The following SRGAP3 variants were observed in gnomAD, a reference collection of about 807,000 sequenced individuals.
The protein encoded by SRGAP3 is SLIT-ROBO Rho GTPase-activating protein 3.
Under a neutral mutation model 121.1 loss-of-function variants are expected in SRGAP3, and 39 were observed. The ratio of observed to expected loss-of-function variants is 0.32; its 90% CI spans 0.25 to 0.42. The LOEUF (loss-of-function observed/expected upper bound fraction) is 0.42. SRGAP3 is among the 10% of genes least tolerant of loss of function. SRGAP3 has a pLI of 1.00. For missense variants in SRGAP3, 1,213 were observed against 1,470.6 expected, an observed-to-expected ratio of 0.82 and a Z score of 2.86; for synonymous variants, 601 against 570.0, an observed-to-expected ratio of 1.05 and a Z score of -0.77.
intron 1 of SRGAP3, among the ~76,000 whole-genome samples, chr3:9,210,046 CAAA>C (rs60653062): frequency 1.9e-4 from 28 of 147,266 alleles, no homozygotes; most frequent in Non-Finnish European, 2.6e-4. Context: ...GCTAGACACA[CAAA>C]AAAAAAAAAC....
Position 9,009,275 on chromosome 3 carries a change from C to T in SRGAP3, c.2227+1033G>A, listed in dbSNP as rs552033918. The stretch of plus-strand genomic sequence containing the variant: ...CTCTCCTGACAAATGTGGTGGCCAA[C>T]GTGTCCTGGTCCCACAAAAGAAACA... On this transcript the variant is annotated intron_variant, in intron 18 of 21. Coordinates refer to ENST00000383836, the MANE Select transcript of SRGAP3 (RefSeq NM_014850.4). 4.6e-5 allele frequency among the ~76,000 whole-genome samples: 7 copies of T among 152,260 alleles called. No homozygotes were observed. The South Asian group carries it at 6.2e-4, about 14-fold the overall frequency.
chr3:9,338,366 G>A (rs1307618550), intron 1 of SRGAP3, among the ~76,000 whole-genome samples: 1 of 152,170 alleles, frequency 6.6e-6, no homozygotes, highest in African/African-American at 2.4e-5. Flanking sequence ...AATGTGATGT[G>A]TTCAGTTATT....
chr3:9,193,238 C>T (rs1951814458), intron 1 of SRGAP3: 1 of 152,234 alleles, frequency 6.6e-6, no homozygotes, highest in South Asian at 2.1e-4. Flanking sequence ...TTCTGACCCC[C>T]AAGCCCAGCC....
intron 1 of SRGAP3, chr3:9,219,368 G>A (rs1429943617): frequency 3.3e-5 from 5 of 152,116 alleles, no homozygotes; most frequent in African/African-American, 1.2e-4. Context: ...TGAGAGTTAG[G>A]ACGTATGCTG....
intron 14 of SRGAP3, among the ~76,000 whole-genome samples, chr3:9,020,142 C>T (rs1943843714): frequency 6.6e-6 from 1 of 152,186 alleles, no homozygotes; most frequent in South Asian, 2.1e-4. Context: ...ATCACAAAGT[C>T]AACAACAGAT....
chr3:9,125,068 G>A lies in SRGAP3; in HGVS notation c.68-151C>T, dbSNP rs1949171836. Reference sequence around the variant, plus strand: ...TGAGCCCAGCCAGAGCTCAGACCTTGCTTGGCAGAGCATTGGCACAAAGAT... The same window carrying A: ...TGAGCCCAGCCAGAGCTCAGACCTTACTTGGCAGAGCATTGGCACAAAGAT... On this transcript the variant is annotated intron_variant, in intron 1 of 21. Coordinates refer to ENST00000383836, the MANE Select transcript of SRGAP3 (RefSeq NM_014850.4). The A allele has an allele frequency of 4.8e-6, 4 of 833,520 alleles. No individual in the cohort carries two copies. In the Admixed American group the frequency reaches 9.2e-5, roughly 19 times the overall value. The allele number at this position is 833,520 out of a possible 1,614,324, so 51.6% of individuals were successfully genotyped here.
At chr3:9,275,656 C>A (rs535898683) in intron 3 of SRGAP3, among the ~76,000 whole-genome samples, 2 of 152,250 alleles carry the variant, frequency 1.3e-5, no homozygotes, top group South Asian at 4.1e-4. Flanking sequence ...GTTTCTTTCC[C>A]CTTTCACTTG....
At chr3:9,304,323 C>G (rs564489018) in intron 3 of SRGAP3, among the ~76,000 whole-genome samples, 11 of 152,322 alleles carry the variant, frequency 7.2e-5, no homozygotes, top group Admixed American at 4.6e-4. Context: ...CCCAGACCTT[C>G]CTTTTATTCT....
chr3:9,083,983 A>G (rs1294589417), intron 3 of SRGAP3, among the ~76,000 whole-genome samples: 1 of 152,146 alleles, frequency 6.6e-6, no homozygotes, highest in Non-Finnish European at 1.5e-5. Context: ...TCATCCCCGC[A>G]AACTCAAATT....
At chr3:9,282,932 A>G (rs542803591) in intron 3 of SRGAP3, among the ~76,000 whole-genome samples, 3 of 151,812 alleles carry the variant, frequency 2.0e-5, no homozygotes, top group Non-Finnish European at 4.4e-5. Context: ...AGCAAGTGGT[A>G]GTTTCTTTTT....
chr3:9,240,263 T>C (rs1217478047), intron 1 of SRGAP3, among the ~76,000 whole-genome samples: 1 of 152,200 alleles, frequency 6.6e-6, no homozygotes, highest in African/African-American at 2.4e-5. Context: ...CCAAGATGTT[T>C]TATGAACACC....
At position 9,049,813 on chromosome 3, in the gene SRGAP3, G is replaced by T. The variant is rs566526551; in HGVS notation, c.1324-2338C>A. Among the ~76,000 whole-genome samples the T allele has an allele frequency of 8.4e-5, 12 of 142,514 alleles. No individual in the cohort carries two copies. In the East Asian group the frequency reaches 2.0e-3, roughly 24 times the overall value. 93.5% of individuals were successfully genotyped at this position (142,514 alleles called of 152,430 possible). On this transcript the variant is annotated intron_variant, in intron 9 of 21. Coordinates refer to ENST00000383836, the MANE Select transcript of SRGAP3 (RefSeq NM_014850.4). ...TTTTTAGGTAAGGTCTGGCTCTATT[G>T]CCCAGGCTGGAGTGCAGTAGTACGA...
intron 1 of SRGAP3, among the ~76,000 whole-genome samples, chr3:9,162,299 T>C (rs1950625556): frequency 6.6e-6 from 1 of 152,156 alleles, no homozygotes; most frequent in South Asian, 2.1e-4. Flanking sequence ...AAATTTTATG[T>C]TATGTCTATT....
intron 1 of SRGAP3, among the ~76,000 whole-genome samples, chr3:9,214,927 G>T (rs1221160817): frequency 6.6e-6 from 1 of 152,172 alleles, no homozygotes; most frequent in Non-Finnish European, 1.5e-5. Flanking sequence ...CAAGCAAGCT[G>T]CATTTGAAAC....
chr3:9,063,440 TTCATGTACTTATTGGCCAC>T (rs1448695354), intron 5 of SRGAP3, among the ~76,000 whole-genome samples: 1 of 152,062 alleles, frequency 6.6e-6, no homozygotes, highest in Non-Finnish European at 1.5e-5. Flanking sequence ...AGACAATCTT[TTCATGTACTTATTGGCCAC>T]TCATACATGT....
chr3:9,262,151 A>G (rs1954268662), intron 3 of SRGAP3, among the ~76,000 whole-genome samples: 1 of 152,178 alleles, frequency 6.6e-6, no homozygotes, highest in African/African-American at 2.4e-5. Flanking sequence ...TTTACAGACA[A>G]GCAAATGCTG....
At chr3:9,152,316 G>A (rs1253422584) in intron 1 of SRGAP3, among the ~76,000 whole-genome samples, 2 of 152,240 alleles carry the variant, frequency 1.3e-5, no homozygotes, top group Admixed American at 6.5e-5. Flanking sequence ...ACTGGACCAG[G>A]AATGGATAGT....
chr3:9,107,434 G>A (rs928475037), intron 2 of SRGAP3, among the ~76,000 whole-genome samples: 31 of 152,342 alleles, frequency 2.0e-4, no homozygotes, highest in African/African-American at 7.0e-4. Context: ...TACCAGGCAC[G>A]CGGCCTCTTC....
chr3:9,067,583 T>A lies in SRGAP3; in HGVS notation c.487-3002A>T, dbSNP rs566920834. Among the ~76,000 whole-genome samples the A allele has an allele frequency of 5.3e-5, 8 of 152,064 alleles. No individual in the cohort carries two copies. In the South Asian group the frequency reaches 1.7e-3, roughly 32 times the overall value. On this transcript the variant is annotated intron_variant, in intron 4 of 21. Coordinates refer to ENST00000383836, the MANE Select transcript of SRGAP3 (RefSeq NM_014850.4). Reference sequence around the variant, plus strand: ...GGGGTGACTGCAGACTTGCAGATAATCAAAGCAGGCGCCTATTTTGATGAT... The same window carrying A: ...GGGGTGACTGCAGACTTGCAGATAAACAAAGCAGGCGCCTATTTTGATGAT...
Sources: gnomAD v4.1 joint callset for allele counts (sites outside exome capture counted in the v4.1 genomes callset) on GRCh38, gnomAD v4.1.1 for gene constraint, MANE v1.5 for transcripts, NCBI Gene and HGNC (gene_info 2026-07-23, HGNC 2026-07-21) for gene names.